The following ADAMTS2 variants were observed in gnomAD, a reference collection of about 807,000 sequenced individuals.
The protein encoded by ADAMTS2 is A disintegrin and metalloproteinase with thrombospondin motifs 2.
A neutral mutation model predicts 123.0 loss-of-function variants in ADAMTS2; 50 were observed. That is an observed-to-expected ratio of 0.41 (90% CI 0.32 to 0.51). The LOEUF (loss-of-function observed/expected upper bound fraction) is 0.51. ADAMTS2 is among the 20% of genes least tolerant of loss of function. The pLI is 0.35. For missense variants in ADAMTS2, 1,494 were observed against 1,705.2 expected (o/e 0.88, Z 2.18); for synonymous variants, 678 against 695.4 (o/e 0.98, Z 0.39).
intron 2 of ADAMTS2, among the ~76,000 whole-genome samples, chr5:179,292,203 G>A (rs781178587): frequency 1.8e-4 from 28 of 151,986 alleles, no homozygotes; most frequent in Non-Finnish European, 3.2e-4. Flanking sequence ...GAGAAGCGGC[G>A]GAGTCAGGAG....
intron 2 of ADAMTS2, among the ~76,000 whole-genome samples, chr5:179,273,614 C>T (rs1766607081): frequency 6.6e-6 from 1 of 152,136 alleles, no homozygotes; most frequent in East Asian, 1.9e-4. Flanking sequence ...CATGGAATCC[C>T]AGCTTTCCTT....
intron 3 of ADAMTS2, among the ~76,000 whole-genome samples, chr5:179,231,898 G>C (rs1466908379): frequency 6.9e-6 from 1 of 145,244 alleles, no homozygotes; most frequent in African/African-American, 2.6e-5. Context: ...TGGGGCCACA[G>C]AGCGAGACCC....
intron 10 of ADAMTS2, among the ~76,000 whole-genome samples, chr5:179,142,943 G>A (rs968997769): frequency 1.3e-5 from 2 of 152,164 alleles, no homozygotes; most frequent in African/African-American, 4.8e-5. Context: ...TGACCCATAC[G>A]CAGGAAATGA....
intron 6 of ADAMTS2, among the ~76,000 whole-genome samples, chr5:179,157,936 C>A (rs1015529403): frequency 1.3e-5 from 2 of 151,650 alleles, no homozygotes; most frequent in Non-Finnish European, 2.9e-5. Flanking sequence ...TCAGTTTTTT[C>A]CATTGAGTTC....
intron 10 of ADAMTS2, chr5:179,150,946 G>T: frequency 5.5e-6 from 1 of 181,278 alleles, no homozygotes; most frequent in Non-Finnish European, 1.2e-5. Context: ...ATCCAGACTG[G>T]AGAGCAGCGA....
chr5:179,259,067 C>T (rs1181760560), intron 3 of ADAMTS2, among the ~76,000 whole-genome samples: 2 of 152,178 alleles, frequency 1.3e-5, no homozygotes, highest in East Asian at 1.9e-4. Context: ...CCAGACCATG[C>T]CACCTGCTGC....
At position 179,175,231 on chromosome 5, in the gene ADAMTS2, G is replaced by T. The variant is rs200321407; in HGVS notation, c.975+5841C>A. Among the ~76,000 whole-genome samples the T allele has an allele frequency of 6.7e-6, 1 of 148,570 alleles. No individual in the cohort carries two copies. Among genetic ancestry groups the T allele is most frequent in the East Asian group, 2.1e-4 (1 of 4,780 alleles). On this transcript the variant is annotated intron_variant, in intron 5 of 21. Transcript: ENST00000251582. The surrounding 1 kb of genome is among the most constrained non-coding windows in gnomAD (Gnocchi z 4.1). Reference sequence around the variant, plus strand: ...GAAGTCTCTTCCTTGCTTGGGTTCCGCAGCTGTCTCAGCCATGCTTGACCG... The same window carrying T: ...GAAGTCTCTTCCTTGCTTGGGTTCCTCAGCTGTCTCAGCCATGCTTGACCG...
chr5:179,295,390 C>A (rs1280277576), intron 2 of ADAMTS2, among the ~76,000 whole-genome samples: 1 of 152,190 alleles, frequency 6.6e-6, no homozygotes, highest in Non-Finnish European at 1.5e-5. Context: ...GGTTTTATTT[C>A]TCCCGCTGTG....
chr5:179,252,878 T>A (rs1239834975), intron 3 of ADAMTS2, among the ~76,000 whole-genome samples: 1 of 152,266 alleles, frequency 6.6e-6, no homozygotes, highest in Non-Finnish European at 1.5e-5. Context: ...GATAAATTTG[T>A]CAATTTCTCT....
In ADAMTS2 at chr5:179,190,450, A is replaced by T. The variant is rs138842692; in HGVS notation, c.892-9295T>A. 3.4e-3 allele frequency among the ~76,000 whole-genome samples: 486 copies of T among 142,774 alleles called. 4 individuals carry two copies. Among genetic ancestry groups the T allele is most frequent in the African/African-American group, 0.012 (458 of 36,866 alleles). The allele number at this position is 142,774 out of a possible 152,430, so 93.7% of individuals were successfully genotyped here. ...AACTAAACGGAAGACACAGCGTCCG[A>T]ATAAAAGGAGAAAAACAGGTATTAA... On this transcript the variant is annotated intron_variant, in intron 4 of 21. Coordinates refer to ENST00000251582, the MANE Select transcript of ADAMTS2 (RefSeq NM_014244.5).
intron 2 of ADAMTS2, among the ~76,000 whole-genome samples, chr5:179,287,101 C>T (rs766293695): frequency 7.9e-5 from 12 of 152,184 alleles, no homozygotes; most frequent in Non-Finnish European, 1.6e-4. Flanking sequence ...CACACAGAAT[C>T]GGAGCAGGCT....
At chr5:179,149,077 G>A (rs1333920339) in intron 10 of ADAMTS2, among the ~76,000 whole-genome samples, 1 of 152,208 alleles carries the variant, frequency 6.6e-6, no homozygotes, top group Non-Finnish European at 1.5e-5. Context: ...AGTGGCGCAG[G>A]TGGGGTTGCA....
At chr5:179,187,645 G>C (rs1202210416) in intron 4 of ADAMTS2, among the ~76,000 whole-genome samples, 1 of 152,144 alleles carries the variant, frequency 6.6e-6, no homozygotes, top group Non-Finnish European at 1.5e-5. Context: ...CCCTACCCAA[G>C]GCCTGCGTGT....
In ADAMTS2 at chr5:179,223,490, ACACT is replaced by A. The variant is rs955908909; in HGVS notation, c.689-15779_689-15776del. ...AATGCACTCACACACAAATGGACTC[ACACT>A]CACATGCACACTCATACGAATGCAC... is the stretch of plus-strand genomic sequence containing the variant. On this transcript the variant is annotated intron_variant, in intron 3 of 21. Transcript: ENST00000251582. Among the ~76,000 whole-genome samples the A allele has an allele frequency of 5.3e-5, 8 of 150,796 alleles. No individual in the cohort carries two copies. The East Asian group carries it at 7.9e-4, about 15-fold the overall frequency.
intron 2 of ADAMTS2, among the ~76,000 whole-genome samples, chr5:179,299,911 A>G (rs1279446357): frequency 1.7e-4 from 25 of 151,162 alleles, no homozygotes; most frequent in African/African-American, 4.4e-4. Flanking sequence ...TGGCTAACAC[A>G]GTGAAACCCC....
chr5:179,153,689 A>C (rs1763411806), intron 8 of ADAMTS2, 66 bp from the exon 9 acceptor site: 2 of 1,544,142 alleles, frequency 1.3e-6, no homozygotes, highest in Non-Finnish European at 1.7e-6. Flanking sequence ...CCCTGGAGGC[A>C]GCTGAGGCCC....
intron 2 of ADAMTS2, among the ~76,000 whole-genome samples, chr5:179,330,068 G>C (rs1253171637): frequency 6.7e-6 from 1 of 150,134 alleles, no homozygotes; most frequent in Non-Finnish European, 1.5e-5. Flanking sequence ...GGAGCTTGCA[G>C]TGAGCCGAGA....
Position 179,188,395 on chromosome 5 carries a change from A to C in ADAMTS2, c.892-7240T>G, listed in dbSNP as rs1301703583. On this transcript the variant is annotated intron_variant, in intron 4 of 21. Transcript: ENST00000251582. The surrounding 1 kb of genome is among the most constrained non-coding windows in gnomAD (Gnocchi z 5.1). ...AGGATGGAGGCAGAGAAGAGAGTGC[A>C]GCCAGGAGCAGGGGACAGAGGTCTG... 6.6e-6 allele frequency among the ~76,000 whole-genome samples: 1 copy of C among 152,186 alleles called. No homozygotes were observed. Among genetic ancestry groups the C allele is most frequent in the Non-Finnish European group, 1.5e-5 (1 of 68,032 alleles).
intron 2 of ADAMTS2, among the ~76,000 whole-genome samples, chr5:179,337,515 A>C (rs1757647294): frequency 6.6e-6 from 1 of 152,212 alleles, no homozygotes; most frequent in South Asian, 2.1e-4. Flanking sequence ...GCACAGGCCC[A>C]GGACACGCAC....
Sources: allele counts gnomAD v4.1 joint callset (sites outside exome capture counted in the v4.1 genomes callset), GRCh38; gene constraint gnomAD v4.1.1; non-coding constraint Gnocchi (gnomAD v3.1); transcripts MANE v1.5; gene names NCBI Gene and HGNC (gene_info 2026-07-23, HGNC 2026-07-21).